CFAP299: variants seen among roughly 807,000 people sequenced by gnomAD.
CFAP299 encodes cilia and flagella associated protein 299, also known as cilia- and flagella-associated protein 299.
A neutral mutation model predicts 27.0 loss-of-function variants in CFAP299; 21 were observed. That is an observed-to-expected ratio of 0.78 (90% CI 0.55 to 1.12). The LOEUF (loss-of-function observed/expected upper bound fraction) is 1.12. Ranked by LOEUF, CFAP299 falls within the 50% of genes most tolerant of loss-of-function variation. The pLI, the probability that CFAP299 is intolerant of heterozygous loss-of-function variation, is 0.00. For missense variants in CFAP299, 310 were observed against 276.6 expected (o/e 1.12, Z -0.86); for synonymous variants, 104 against 98.1 (o/e 1.06, Z -0.36).
intron 3 of CFAP299, among the ~76,000 whole-genome samples, chr4:80,819,993 A>T (rs937789324): frequency 6.6e-6 from 1 of 152,098 alleles, no homozygotes; most frequent in South Asian, 2.1e-4. Context: ...TTTTGTTTTT[A>T]ATCTCCAGAG....
At chr4:80,941,258 A>G (rs1258851339) in intron 4 of CFAP299, among the ~76,000 whole-genome samples, 5 of 152,172 alleles carry the variant, frequency 3.3e-5, no homozygotes, top group Admixed American at 6.5e-5. Context: ...TTTATTTCAT[A>G]TCTGTGGAAT....
intron 3 of CFAP299, among the ~76,000 whole-genome samples, chr4:80,861,564 A>G (rs116031536): frequency 0.011 from 1,730 of 152,242 alleles, 12 homozygotes; most frequent in Middle Eastern, 0.041. Context: ...CTGCTCTCCA[A>G]TCATCTTATT....
chr4:80,483,994 CA>C (rs1173104183), intron 2 of CFAP299, among the ~76,000 whole-genome samples: 2 of 151,830 alleles, frequency 1.3e-5, no homozygotes, highest in Non-Finnish European at 2.9e-5. Context: ...ATTCTTAATG[CA>C]AAAAAGATAG....
At chr4:80,493,434 A>G (rs1322170563) in intron 2 of CFAP299, among the ~76,000 whole-genome samples, 2 of 152,140 alleles carry the variant, frequency 1.3e-5, no homozygotes, top group Non-Finnish European at 2.9e-5. Context: ...TTTAAAGATG[A>G]TGGGATGAGT....
intron 2 of CFAP299, among the ~76,000 whole-genome samples, chr4:80,441,308 A>ACT (rs1197396827): frequency 6.6e-6 from 1 of 152,188 alleles, no homozygotes; most frequent in Non-Finnish European, 1.5e-5. Context: ...CCAGAGAGGA[A>ACT]GGTCAGGTTA....
intron 4 of CFAP299, among the ~76,000 whole-genome samples, chr4:80,900,881 C>A (rs1734855562): frequency 2.0e-5 from 3 of 151,772 alleles, no homozygotes; most frequent in Admixed American, 1.3e-4. Context: ...ATAATATATA[C>A]CTTAGTTTGT....
rs576906958 is a variant in CFAP299, at chr4:80,397,533, C to T, written c.242+34649C>T. On this transcript the variant is annotated intron_variant, in intron 2 of 5. Transcript: ENST00000358105. ...TGTGGGTATCTAAGCTATAAATTTC[C>T]CTCTACACACTGCTTTAAATGTGTC... 2.2e-3 allele frequency among the ~76,000 whole-genome samples: 341 copies of T among 152,140 alleles called. 2 individuals carry two copies. The highest frequency in any genetic ancestry group is 3.8e-3 in the Non-Finnish European group (260 of 68,000).
chr4:80,450,195 T>G (rs1167300303), intron 2 of CFAP299, among the ~76,000 whole-genome samples: 1 of 152,160 alleles, frequency 6.6e-6, no homozygotes, highest in Non-Finnish European at 1.5e-5. Flanking sequence ...CTCATATAAC[T>G]GCGAACTGTT....
At chr4:80,726,924 T>C (rs938989801) in intron 3 of CFAP299, among the ~76,000 whole-genome samples, 5 of 152,164 alleles carry the variant, frequency 3.3e-5, no homozygotes, top group Admixed American at 2.0e-4. Context: ...CTTTCCATGA[T>C]TAATGTTTTT....
chr4:80,361,325 A>G (rs969916454), intron 1 of CFAP299, among the ~76,000 whole-genome samples: 21 of 152,344 alleles, frequency 1.4e-4, no homozygotes, highest in African/African-American at 3.8e-4. Context: ...GCAAAATTCT[A>G]TGTTTGACCA....
chr4:80,677,879 T>C (rs1348828099), intron 3 of CFAP299, among the ~76,000 whole-genome samples: 1 of 152,068 alleles, frequency 6.6e-6, no homozygotes, highest in Non-Finnish European at 1.5e-5. Flanking sequence ...TAAATTCCAT[T>C]TATAAAAACT....
intron 3 of CFAP299, among the ~76,000 whole-genome samples, chr4:80,703,145 G>T (rs1721613437): frequency 6.6e-6 from 1 of 151,668 alleles, no homozygotes; most frequent in African/African-American, 2.4e-5. Context: ...TTAACCACAG[G>T]TAACATCTAT....
At chr4:80,912,257 G>A (rs998561263) in intron 4 of CFAP299, among the ~76,000 whole-genome samples, 1 of 152,116 alleles carries the variant, frequency 6.6e-6, no homozygotes, top group Non-Finnish European at 1.5e-5. Flanking sequence ...CCTCCACTGG[G>A]AAAATTAACA....
In CFAP299 at chr4:80,847,525, A is replaced by T. The variant is rs1731252656; in HGVS notation, c.334-22468A>T. On this transcript the variant is annotated intron_variant, in intron 3 of 5. Transcript: ENST00000358105. ...ATGCAATATCCCTTGTGGTGACCCTACATGCCATCTATTAGTTCCTGTGTA... is the reference window on the plus strand; with the variant it reads ...ATGCAATATCCCTTGTGGTGACCCTTCATGCCATCTATTAGTTCCTGTGTA... Among the ~76,000 whole-genome samples the T allele has an allele frequency of 2.0e-5, 3 of 152,184 alleles. No individual in the cohort carries two copies. The South Asian group carries it at 6.2e-4, about 31-fold the overall frequency.
At chr4:80,622,548 A>G (rs1280049527) in intron 3 of CFAP299, among the ~76,000 whole-genome samples, 1 of 152,144 alleles carries the variant, frequency 6.6e-6, no homozygotes, top group Non-Finnish European at 1.5e-5. Flanking sequence ...TAATATAATA[A>G]CTTGACTGGC....
At chr4:80,692,294 A>C (rs1720766227) in intron 3 of CFAP299, among the ~76,000 whole-genome samples, 1 of 152,136 alleles carries the variant, frequency 6.6e-6, no homozygotes, top group Non-Finnish European at 1.5e-5. Context: ...ACTTCAAACT[A>C]TACTACAAGG....
At chr4:80,722,953 C>A (rs1722926647) in intron 3 of CFAP299, among the ~76,000 whole-genome samples, 1 of 151,990 alleles carries the variant, frequency 6.6e-6, no homozygotes, top group Admixed American at 6.6e-5. Flanking sequence ...TGAACAGACA[C>A]TTTACCAAAG....
At chr4:80,620,345 A>G (rs534240453) in intron 3 of CFAP299, among the ~76,000 whole-genome samples, 3 of 152,130 alleles carry the variant, frequency 2.0e-5, no homozygotes, top group Non-Finnish European at 4.4e-5. Context: ...TCAGTGAGTG[A>G]ATCACTCCAG....
chr4:80,638,631 G>A (rs1446403058), intron 3 of CFAP299, among the ~76,000 whole-genome samples: 1 of 152,158 alleles, frequency 6.6e-6, no homozygotes, highest in African/African-American at 2.4e-5. Flanking sequence ...TGCCTGGATT[G>A]TGTCCCTGAC....
Sources: allele counts gnomAD v4.1 joint callset (sites outside exome capture counted in the v4.1 genomes callset), GRCh38; gene constraint gnomAD v4.1.1; transcripts MANE v1.5; gene names NCBI Gene and HGNC (gene_info 2026-07-23, HGNC 2026-07-21).